Variants in GRID2 observed in about 807,000 individuals in gnomAD.
The protein encoded by GRID2 is glutamate ionotropic receptor delta type subunit 2.
In GRID2, 33 loss-of-function variants were observed where a neutral mutation model predicts 114.8. The observed-to-expected ratio is 0.29, with a 90% confidence interval of 0.22 to 0.38. The LOEUF is 0.38. Ranked by LOEUF, GRID2 falls within the 10% of genes least tolerant of loss-of-function variation. The pLI, the probability that GRID2 is intolerant of heterozygous loss-of-function variation, is 1.00. For synonymous variants in GRID2, 505 were observed against 449.9 expected, an observed-to-expected ratio of 1.12 and a Z score of -1.55; for missense variants, 1,184 against 1,257.7, an observed-to-expected ratio of 0.94 and a Z score of 0.89.
chr4:92,527,116 A>G (rs1312102057), intron 1 of GRID2, among the ~76,000 whole-genome samples: 1 of 152,040 alleles, frequency 6.6e-6, no homozygotes, highest in African/African-American at 2.4e-5. Flanking sequence ...GAAGAATGGC[A>G]TGAAATAGTG....
At chr4:92,709,589 A>AAAAAAAATATATATATATATATATAT (rs779775767) in intron 2 of GRID2, among the ~76,000 whole-genome samples, 1 of 114,636 alleles carries the variant, frequency 8.7e-6, no homozygotes, top group African/African-American at 3.4e-5. Flanking sequence ...AAAAAAAAAA[A>AAAAAAAATATATATATATATATATAT]ATATATATAT....
intron 10 of GRID2, among the ~76,000 whole-genome samples, chr4:93,441,386 A>G (rs1721605932): frequency 6.6e-6 from 1 of 152,090 alleles, no homozygotes; most frequent in Non-Finnish European, 1.5e-5. Flanking sequence ...TAGTCTGGAA[A>G]TTATAAACAT....
chr4:93,553,116 A>G (rs1275216336), intron 13 of GRID2, among the ~76,000 whole-genome samples: 3 of 152,216 alleles, frequency 2.0e-5, no homozygotes, highest in Non-Finnish European at 4.4e-5. Flanking sequence ...TCTTTACGGT[A>G]GAATGATTTA....
At chr4:92,628,429 G>C (rs1038745117) in intron 2 of GRID2, among the ~76,000 whole-genome samples, 1 of 152,056 alleles carries the variant, frequency 6.6e-6, no homozygotes, top group African/African-American at 2.4e-5. Context: ...TGCGATCTCG[G>C]CTCACTACAA....
intron 2 of GRID2, among the ~76,000 whole-genome samples, chr4:92,775,076 C>T (rs143147638): frequency 4.6e-5 from 7 of 152,178 alleles, no homozygotes; most frequent in Non-Finnish European, 7.4e-5. Flanking sequence ...TTCTAAATCC[C>T]TCCAAGATCT....
intron 13 of GRID2, among the ~76,000 whole-genome samples, chr4:93,550,588 T>C (rs1347683820): frequency 1.3e-5 from 2 of 152,230 alleles, no homozygotes; most frequent in Admixed American, 6.5e-5. Context: ...ATTTGAAGAC[T>C]ATTAGATGCC....
chr4:93,182,053 C>G (rs955382913), intron 4 of GRID2, among the ~76,000 whole-genome samples: 8 of 152,094 alleles, frequency 5.3e-5, no homozygotes, highest in African/African-American at 1.9e-4. Flanking sequence ...TCTATTTGGC[C>G]TGTCACATTG....
chr4:93,625,553 C>T (rs538169385), intron 13 of GRID2, among the ~76,000 whole-genome samples: 1 of 152,298 alleles, frequency 6.6e-6, no homozygotes, highest in South Asian at 2.1e-4. Flanking sequence ...GCAGATTCAA[C>T]CAGCCATGAA....
At chr4:93,509,239 A>G (rs948752861) in intron 12 of GRID2, among the ~76,000 whole-genome samples, 7 of 152,188 alleles carry the variant, frequency 4.6e-5, no homozygotes, top group Non-Finnish European at 8.8e-5. Flanking sequence ...AGGTAGAAAT[A>G]ACAAGGCTAT....
intron 2 of GRID2, among the ~76,000 whole-genome samples, chr4:92,960,102 T>C (rs568240203): frequency 6.6e-6 from 1 of 152,200 alleles, no homozygotes; most frequent in South Asian, 2.1e-4. Flanking sequence ...GGATTTCTGG[T>C]TTAATTTTAT....
chr4:93,383,631 G>A (rs561071520), intron 8 of GRID2, among the ~76,000 whole-genome samples: 1 of 152,120 alleles, frequency 6.6e-6, no homozygotes, highest in African/African-American at 2.4e-5. Context: ...TTCTCTCCTT[G>A]AAAGCTGGGG....
intron 2 of GRID2, among the ~76,000 whole-genome samples, chr4:92,621,618 T>A (rs1738360757): frequency 6.6e-6 from 1 of 151,660 alleles, no homozygotes; most frequent in African/African-American, 2.4e-5. Flanking sequence ...CTATATTACA[T>A]CACTGCACTT....
At chr4:93,298,966 T>G (rs1754591475) in intron 8 of GRID2, among the ~76,000 whole-genome samples, 1 of 152,234 alleles carries the variant, frequency 6.6e-6, no homozygotes, top group Non-Finnish European at 1.5e-5. Context: ...TAATATGCAG[T>G]ATTTTTTCTT....
At chr4:93,033,503 G>A (rs922339451) in intron 2 of GRID2, among the ~76,000 whole-genome samples, 4 of 152,094 alleles carry the variant, frequency 2.6e-5, no homozygotes, top group African/African-American at 9.7e-5. Context: ...ACCTCGTTGT[G>A]CAGAAGTTTT....
rs190136920 is a variant in GRID2, at chr4:92,795,893, C to A, written c.244+205607C>A. Among the ~76,000 whole-genome samples the A allele has an allele frequency of 2.0e-5, 3 of 151,862 alleles. No individual in the cohort carries two copies. In the East Asian group the frequency reaches 5.9e-4, roughly 30 times the overall value. On this transcript the variant is annotated intron_variant, in intron 2 of 15. Transcript: ENST00000282020. ...TTCCTCCAAGATCCCTATGTTGAAA[C>A]CCTTCACCTCCCTCCTTTTTTATTT...
In GRID2 at chr4:92,359,934, T is replaced by C. The variant is rs1728533722; in HGVS notation, c.88+55190T>C. ...TATAGTTGGGTACCAGAGGCAGCAG[T>C]CCTGTGATTCTAAATCCCTTACTGA... On this transcript the variant is annotated intron_variant, in intron 1 of 15. Transcript: ENST00000282020. Among the ~76,000 whole-genome samples, 4 of 151,996 alleles carry C rather than the reference T, an allele frequency of 2.6e-5. 1 individual carries two copies. In the South Asian group the frequency reaches 8.3e-4, roughly 31 times the overall value.
At chr4:93,515,478 G>T in intron 13 of GRID2, 67 bp downstream of exon 13, 1 of 1,083,016 alleles carries the variant, frequency 9.2e-7, no homozygotes, top group Non-Finnish European at 1.4e-6. Flanking sequence ...TTGCGCAGTT[G>T]AGATTTGTTT....
At chr4:92,847,051 C>T (rs555298364) in intron 2 of GRID2, among the ~76,000 whole-genome samples, 1 of 152,144 alleles carries the variant, frequency 6.6e-6, no homozygotes, top group Admixed American at 6.6e-5. Flanking sequence ...TTTTCTCTCA[C>T]TATGATCCTG....
At chr4:92,494,566 T>G (rs1349163285) in intron 1 of GRID2, among the ~76,000 whole-genome samples, 1 of 152,006 alleles carries the variant, frequency 6.6e-6, no homozygotes. Context: ...TATTCACAAA[T>G]CTGTAAAAGA....
Sources: allele counts gnomAD v4.1 joint callset (sites outside exome capture counted in the v4.1 genomes callset), GRCh38; gene constraint gnomAD v4.1.1; transcripts MANE v1.5; gene names NCBI Gene and HGNC (gene_info 2026-07-23, HGNC 2026-07-21).